Variants in MYO1F observed in about 807,000 individuals in gnomAD.
MYO1F encodes unconventional myosin-If.
In MYO1F, 60 loss-of-function variants were observed where a neutral mutation model predicts 146.6. The ratio of observed to expected loss-of-function variants is 0.41; its 90% confidence interval spans 0.33 to 0.51. The LOEUF is 0.51. MYO1F is among the 20% of genes least tolerant of loss of function. The probability of loss-of-function intolerance (pLI) is 0.25; values close to 1 mark genes in which losing one functional copy is unlikely to be tolerated. For synonymous variants in MYO1F, 602 were observed against 602.1 expected, an observed-to-expected ratio of 1.00 and a Z score of 0.00; for missense variants, 1,274 against 1,534.3, an observed-to-expected ratio of 0.83 and a Z score of 2.83.
At chr19:8,555,937 G>A in intron 1 of MYO1F, 141 bp from the exon 2 acceptor site, 2 of 921,980 alleles carry the variant, frequency 2.2e-6, no homozygotes, top group Non-Finnish European at 3.2e-6. Flanking sequence ...GGAGAGGCTG[G>A]CAGGGTCCAA....
intron 1 of MYO1F, among the ~76,000 whole-genome samples, chr19:8,561,417 C>CCCTTCCTTTCTCCTCTCCCTT (rs1974110702): frequency 2.7e-4 from 17 of 63,896 alleles, no homozygotes; most frequent in Non-Finnish European, 3.3e-5. Context: ...TCCTCTCCCT[C>CCCTTCCTTTCTCCTCTCCCTT]CCTTCCTTTC....
intron 1 of MYO1F, among the ~76,000 whole-genome samples, chr19:8,571,567 A>G (rs1168949482): frequency 3.3e-5 from 5 of 150,324 alleles, no homozygotes; most frequent in Non-Finnish European, 7.4e-5. Context: ...GGCGCCCGCC[A>G]CCGCGCCCGG....
chr19:8,536,838 G>T, intron 17 of MYO1F, 111 bp downstream of exon 17: 1 of 764,904 alleles, frequency 1.3e-6, no homozygotes, highest in East Asian at 2.5e-5. Flanking sequence ...GGGAGGGGCT[G>T]TGCTAGTCCC....
At chr19:8,553,323 C>CT (rs1234155935) in intron 5 of MYO1F, 27 bp downstream of exon 5, 1 of 1,613,406 alleles carries the variant, frequency 6.2e-7, no homozygotes, top group South Asian at 1.1e-5. Context: ...GGCGACCCAG[C>CT]TTATCCTTCT....
rs538703065 is a variant in MYO1F, at chr19:8,547,796, C to A, written c.1269+240G>T. The A allele has an allele frequency of 1.9e-5, 10 of 524,464 alleles. No individual in the cohort carries two copies. The East Asian group carries it at 3.5e-4, about 19-fold the overall frequency. 32.5% of individuals were successfully genotyped at this position (524,464 alleles called of 1,614,324 possible). On this transcript the variant is annotated intron_variant, in intron 12 of 27. Transcript: ENST00000644032. Reference sequence around the variant, plus strand: ...GTGTCTCCAAGCACCCTAAACAGTACCTGGCACACAACAGGTGCTCAATAA... The same window carrying A: ...GTGTCTCCAAGCACCCTAAACAGTAACTGGCACACAACAGGTGCTCAATAA...
chr19:8,560,076 C>T (rs187761189), intron 1 of MYO1F, among the ~76,000 whole-genome samples: 75 of 151,898 alleles, frequency 4.9e-4, no homozygotes, highest in African/African-American at 1.7e-3. Context: ...TGGGTAGGCT[C>T]GAAGGGAAAC....
chr19:8,532,903 T>TACACACACACACACACACAC (rs60799506), intron 19 of MYO1F, among the ~76,000 whole-genome samples: 2 of 113,164 alleles, frequency 1.8e-5, no homozygotes, highest in African/African-American at 3.3e-5. Context: ...AAAAAAAAAA[T>TACACACACACACACACACAC]ACACACACAC....
intron 8 of MYO1F, 90 bp from the exon 9 acceptor site, chr19:8,550,784 CAG>C: frequency 1.3e-6 from 2 of 1,581,254 alleles, no homozygotes; most frequent in Non-Finnish European, 8.6e-7. Context: ...AGCACGGACT[CAG>C]GGAGTGAGCA....
At chr19:8,574,923 T>C (rs1340003455) in intron 1 of MYO1F, among the ~76,000 whole-genome samples, 2 of 151,082 alleles carry the variant, frequency 1.3e-5, no homozygotes, top group Non-Finnish European at 2.9e-5. Context: ...GACTGGCTAA[T>C]TTTTGTATTT....
chr19:8,577,229 TGGTCATTTTTA>T lies in MYO1F; in HGVS notation c.3+67_3+77del. ...CCCCTCCCCTCACCCCAATTTCTGA[TGGTCATTTTTA>T]GGACACCTCCACCTGGCTGGTGTCC... On this transcript the variant is annotated intron_variant, in intron 1 of 27. Transcript: ENST00000644032. The surrounding 1 kb of genome is among the most constrained non-coding windows in gnomAD (Gnocchi z 4.3). The T allele has an allele frequency of 6.5e-7, 1 of 1,548,448 alleles. No homozygotes were observed. The highest frequency in any genetic ancestry group is 1.2e-5 in the South Asian group (1 of 86,748).
intron 21 of MYO1F, among the ~76,000 whole-genome samples, chr19:8,528,791 T>C (rs1972368127): frequency 6.6e-6 from 1 of 152,054 alleles, no homozygotes; most frequent in South Asian, 2.1e-4. Context: ...GGTGAGGGTG[T>C]ACAAGTCAGG....
At position 8,556,482 on chromosome 19, in the gene MYO1F, AAAAG is replaced by A. The variant is rs367956320; in HGVS notation, c.4-690_4-687del. On this transcript the variant is annotated intron_variant, in intron 1 of 27. Coordinates refer to ENST00000644032, the MANE Select transcript of MYO1F (RefSeq NM_012335.4). The stretch of plus-strand genomic sequence containing the variant: ...CATAGCGAGGCCCCGTCTCTATAAA[AAAAG>A]AAAGAAAGAAAGAAAGAAAGAGAAA... Among the ~76,000 whole-genome samples, 1,117 of 145,160 alleles carry A rather than the reference AAAAG, an allele frequency of 7.7e-3. 12 individuals carry two copies. The highest frequency in any genetic ancestry group is 0.024 in the African/African-American group (919 of 38,368).
chr19:8,560,121 C>T (rs927813295), intron 1 of MYO1F, among the ~76,000 whole-genome samples: 3 of 151,910 alleles, frequency 2.0e-5, no homozygotes, highest in Non-Finnish European at 4.4e-5. Context: ...TCCTTAAGGA[C>T]ACGGGACTAA....
At chr19:8,574,455 G>A (rs746802189) in intron 1 of MYO1F, among the ~76,000 whole-genome samples, 1 of 152,180 alleles carries the variant, frequency 6.6e-6, no homozygotes, top group Non-Finnish European at 1.5e-5. Context: ...TTTAATGGAA[G>A]ACAATTTTTC....
chr19:8,575,016 A>G (rs529217584), intron 1 of MYO1F, among the ~76,000 whole-genome samples: 192 of 151,696 alleles, frequency 1.3e-3, no homozygotes, highest in African/African-American at 4.2e-3. Flanking sequence ...TCGGCCTCCA[A>G]AAGTGTTGAG....
chr19:8,560,451 C>T (rs986036139), intron 1 of MYO1F, among the ~76,000 whole-genome samples: 2 of 150,854 alleles, frequency 1.3e-5, no homozygotes, highest in African/African-American at 4.9e-5. Context: ...CACCATTGCA[C>T]TCCAACCTGG....
intron 1 of MYO1F, among the ~76,000 whole-genome samples, chr19:8,570,401 G>A (rs1212970832): frequency 1.4e-4 from 21 of 147,796 alleles, no homozygotes; most frequent in Non-Finnish European, 2.4e-4. Context: ...ATGGAGTCTC[G>A]CTCTTGTTGC....
At chr19:8,536,640 A>C (rs1281095497) in intron 17 of MYO1F, 43 bp from the exon 18 acceptor site, 1 of 274,364 alleles carries the variant, frequency 3.6e-6, no homozygotes, top group Non-Finnish European at 6.1e-6. Context: ...GTGGGGAGTC[A>C]CCAGTCCTGG....
chr19:8,526,804 A>G lies in MYO1F; in HGVS notation c.2606T>C (p.Leu869Pro), dbSNP rs1437380393. ...FEEATRRPLP[L>P]TFSDTLQFRV... ...GGGGCCGTACGTGTCGCTGAAGGTG[A>G]GGGGCAGGGGCCTCCGCGTCGCCTC... The change falls in exon 23 of 28, where the codon CTC becomes CCC. Residue 869 changes from leucine (L) to proline (P), a missense_variant. By Grantham distance (98) the Leu-to-Pro change is moderately conservative. Coordinates refer to ENST00000644032, the MANE Select transcript of MYO1F (RefSeq NM_012335.4). The G allele has an allele frequency of 1.2e-6, 2 of 1,611,944 alleles. No individual in the cohort carries two copies. The highest frequency in any genetic ancestry group is 1.7e-6 in the Non-Finnish European group (2 of 1,179,420).
Sources: gnomAD v4.1 joint callset for allele counts (sites outside exome capture counted in the v4.1 genomes callset) on GRCh38, gnomAD v4.1.1 for gene constraint, Gnocchi (gnomAD v3.1) non-coding constraint, MANE v1.5 for transcripts, NCBI Gene and HGNC (gene_info 2026-07-23, HGNC 2026-07-21) for gene names.